Variants in SLIT3 observed in about 807,000 individuals in gnomAD.
SLIT3 encodes the protein slit guidance ligand 3.
In SLIT3, 68 loss-of-function variants were observed where a neutral mutation model predicts 184.0. The observed-to-expected ratio is 0.37, with a 90% CI of 0.30 to 0.45. The LOEUF is 0.45. Ranked by LOEUF, SLIT3 falls within the 20% of genes least tolerant of loss-of-function variation. SLIT3 has a pLI of 1.00. For synonymous variants in SLIT3, 831 were observed against 828.6 expected, an observed-to-expected ratio of 1.00 and a Z score of -0.05; for missense variants, 1,707 against 2,026.0, an observed-to-expected ratio of 0.84 and a Z score of 3.02.
chr5:169,168,179 G>A (rs1001316082), intron 4 of SLIT3, among the ~76,000 whole-genome samples: 4 of 152,066 alleles, frequency 2.6e-5, no homozygotes, highest in African/African-American at 4.8e-5. Context: ...TCTAAGCACG[G>A]GTCAGCCCCT....
intron 3 of SLIT3, among the ~76,000 whole-genome samples, chr5:169,218,616 G>A (rs1334590847): frequency 6.6e-6 from 1 of 152,212 alleles, no homozygotes; most frequent in Non-Finnish European, 1.5e-5. Flanking sequence ...GACCTTAGGC[G>A]AGTGATTTAA....
chr5:168,671,324 G>T lies in SLIT3; in HGVS notation c.4001C>A (p.Ser1334Tyr). 6.2e-7 allele frequency: 1 copy of T among 1,614,026 alleles called. No homozygotes were observed. The highest frequency in any genetic ancestry group is 8.5e-7 in the Non-Finnish European group (1 of 1,179,986). Residue 1334 changes from serine to tyrosine, a missense_variant, in exon 34 of 36, where the codon TCC becomes TAC. Around this residue, in one of 3 missense-constraint regions of SLIT3, gnomAD observed 387 missense variants for 477.9 expected, o/e 0.81. Coordinates refer to ENST00000519560, the MANE Select transcript of SLIT3 (RefSeq NM_003062.4). ...QSLGVSPGCK[S>Y]CTVCKHGLCR... is the part of the protein sequence containing the mutation. Reference sequence around the variant, plus strand: ...CAGGCCGTGCTTGCACACGGTGCAGGACTTGCAGCCTGGTGACACCCCCAG... The same window carrying T: ...CAGGCCGTGCTTGCACACGGTGCAGTACTTGCAGCCTGGTGACACCCCCAG...
intron 4 of SLIT3, among the ~76,000 whole-genome samples, chr5:169,159,746 A>T (rs1441920892): frequency 9.2e-5 from 14 of 152,232 alleles, no homozygotes; most frequent in Non-Finnish European, 1.5e-5. Context: ...ACTGCACTCC[A>T]GCCTGGGTGA....
chr5:169,195,010 C>A (rs1411921462), intron 3 of SLIT3, among the ~76,000 whole-genome samples: 1 of 152,130 alleles, frequency 6.6e-6, no homozygotes, highest in Non-Finnish European at 1.5e-5. Flanking sequence ...ACCCCACAGT[C>A]CCCCAGAATC....
At chr5:169,240,579 C>CTTTTTTTTTTTTTTTTTTTTTTTTTTT (rs67955225) in intron 3 of SLIT3, among the ~76,000 whole-genome samples, 1 of 114,354 alleles carries the variant, frequency 8.7e-6, no homozygotes, top group African/African-American at 3.4e-5. Flanking sequence ...CTATCATTTT[C>CTTTTTTTTTTTTTTTTTTTTTTTTTTT]TTTTTTTTTT....
At chr5:169,146,101 T>A (rs1222426066) in intron 4 of SLIT3, among the ~76,000 whole-genome samples, 1 of 152,222 alleles carries the variant, frequency 6.6e-6, no homozygotes, top group Non-Finnish European at 1.5e-5. Flanking sequence ...TGTGAGGCAC[T>A]TTTGATTCTT....
At chr5:168,964,150 A>G (rs2113295436) in intron 4 of SLIT3, among the ~76,000 whole-genome samples, 1 of 152,370 alleles carries the variant, frequency 6.6e-6, no homozygotes, top group Non-Finnish European at 1.5e-5. Flanking sequence ...ATAAATGGTG[A>G]GCATTTGTGC....
At chr5:169,123,411 A>G (rs1193415762) in intron 4 of SLIT3, among the ~76,000 whole-genome samples, 1 of 152,182 alleles carries the variant, frequency 6.6e-6, no homozygotes, top group Non-Finnish European at 1.5e-5. Flanking sequence ...AGCCCACAAT[A>G]AACCAGCTAG....
chr5:169,105,139 T>C (rs2113240751), intron 4 of SLIT3, among the ~76,000 whole-genome samples: 1 of 152,302 alleles, frequency 6.6e-6, no homozygotes, highest in South Asian at 2.1e-4. Flanking sequence ...ACAATTTCGA[T>C]TTCCCCTTTG....
At chr5:169,074,403 A>G (rs909984464) in intron 4 of SLIT3, among the ~76,000 whole-genome samples, 1 of 152,190 alleles carries the variant, frequency 6.6e-6, no homozygotes, top group African/African-American at 2.4e-5. Context: ...TATAAATGAC[A>G]TTAATAATAA....
intron 27 of SLIT3, 37 bp from the exon 28 acceptor site, chr5:168,696,468 G>A (rs781761890): frequency 4.3e-6 from 7 of 1,611,792 alleles, no homozygotes; most frequent in Non-Finnish European, 4.2e-6. Flanking sequence ...GGGGAGTCAG[G>A]GGTCAGGGAG....
chr5:168,999,251 T>G (rs1412903185), intron 4 of SLIT3, among the ~76,000 whole-genome samples: 4 of 152,086 alleles, frequency 2.6e-5, no homozygotes, highest in Admixed American at 2.0e-4. Flanking sequence ...CCTCTGGTAA[T>G]GGGTTCAAGA....
intron 4 of SLIT3, among the ~76,000 whole-genome samples, chr5:169,085,935 A>C (rs1759275986): frequency 6.6e-6 from 1 of 152,172 alleles, no homozygotes; most frequent in South Asian, 2.1e-4. Context: ...ACTCAGCCAC[A>C]GAGCACCAGC....
At position 169,168,284 on chromosome 5, in the gene SLIT3, C is replaced by G. The variant is rs114541742; in HGVS notation, c.413+25195G>C. The stretch of plus-strand genomic sequence containing the variant: ...AGTATTATATCCAAAACCGCTCACT[C>G]AAATCATTCTTAATAAGGTGAAAAA... On this transcript the variant is annotated intron_variant, in intron 4 of 35. Transcript: ENST00000519560. Among the ~76,000 whole-genome samples, 1,195 of 152,298 alleles carry G rather than the reference C, an allele frequency of 7.8e-3. 15 individuals are homozygous for G. The highest frequency in any genetic ancestry group is 0.027 in the African/African-American group (1,112 of 41,564).
chr5:168,775,993 C>T (rs947441864), intron 12 of SLIT3, among the ~76,000 whole-genome samples: 2 of 152,232 alleles, frequency 1.3e-5, no homozygotes, highest in Non-Finnish European at 2.9e-5. Flanking sequence ...TTCTTATCCC[C>T]TCTCGAATGA....
chr5:168,707,887 G>T (rs960819093), intron 26 of SLIT3, 89 bp downstream of exon 26: 50 of 1,519,982 alleles, frequency 3.3e-5, no homozygotes, highest in Non-Finnish European at 4.5e-5. Flanking sequence ...GAGAAGGGAG[G>T]GTACGCAGGG....
intron 1 of SLIT3, among the ~76,000 whole-genome samples, chr5:169,283,943 G>T (rs546359866): frequency 6.6e-6 from 1 of 152,146 alleles, no homozygotes; most frequent in Non-Finnish European, 1.5e-5. Context: ...GGAGAAGCTC[G>T]TAGTCAATGG....
intron 4 of SLIT3, among the ~76,000 whole-genome samples, chr5:169,008,695 C>T (rs1183139294): frequency 1.3e-5 from 2 of 152,100 alleles, no homozygotes; most frequent in African/African-American, 4.8e-5. Context: ...GAGACAGGGT[C>T]TCCGTATGTT....
chr5:169,047,088 C>G (rs114273355), intron 4 of SLIT3, among the ~76,000 whole-genome samples: 1 of 152,094 alleles, frequency 6.6e-6, no homozygotes, highest in Non-Finnish European at 1.5e-5. Context: ...CTAAAAAAAC[C>G]CCACAACAAT....
Sources: allele counts gnomAD v4.1 joint callset (sites outside exome capture counted in the v4.1 genomes callset), GRCh38; gene constraint gnomAD v4.1.1; regional missense constraint gnomAD v4.1.1; transcripts MANE v1.5; gene names NCBI Gene and HGNC (gene_info 2026-07-23, HGNC 2026-07-21).